The following GATAD2B variants were observed in gnomAD, a reference collection of about 807,000 sequenced individuals.
GATAD2B encodes transcriptional repressor p66-beta.
In GATAD2B, 8 loss-of-function variants were observed where a neutral mutation model predicts 64.3. That is an observed-to-expected ratio of 0.12 (90% confidence interval 0.07 to 0.22). The LOEUF (loss-of-function observed/expected upper bound fraction) is 0.22. Among genes scored for constraint, GATAD2B ranks in the 10% least tolerant of loss-of-function variants. The pLI, the probability that GATAD2B is intolerant of heterozygous loss-of-function variation, is 1.00. For missense variants in GATAD2B, 453 were observed against 752.0 expected (o/e 0.60, Z 4.65); for synonymous variants, 281 against 271.3 (o/e 1.04, Z -0.35).
At chr1:153,896,987 A>G (rs1317404727) in intron 1 of GATAD2B, among the ~76,000 whole-genome samples, 1 of 152,172 alleles carries the variant, frequency 6.6e-6, no homozygotes, top group African/African-American at 2.4e-5. Flanking sequence ...GTTAATTAAA[A>G]AATACTGTGG....
At chr1:153,895,535 G>A (rs1487210995) in intron 1 of GATAD2B, among the ~76,000 whole-genome samples, 1 of 151,250 alleles carries the variant, frequency 6.6e-6, no homozygotes, top group Admixed American at 6.6e-5. Flanking sequence ...AGCCACGATC[G>A]TGCCACTGCA....
At chr1:153,911,011 A>G (rs940629203) in intron 1 of GATAD2B, among the ~76,000 whole-genome samples, 2 of 152,218 alleles carry the variant, frequency 1.3e-5, no homozygotes, top group Non-Finnish European at 2.9e-5. Flanking sequence ...GAGAAGGTAG[A>G]GAAATATATC....
chr1:153,917,904 T>C (rs893762734), intron 1 of GATAD2B, among the ~76,000 whole-genome samples: 11 of 152,170 alleles, frequency 7.2e-5, no homozygotes, highest in Non-Finnish European at 1.5e-4. Context: ...GAACTGACAA[T>C]ACAATTTTAA....
chr1:153,834,731 A>G (rs1013612714), intron 1 of GATAD2B, among the ~76,000 whole-genome samples: 2 of 152,202 alleles, frequency 1.3e-5, no homozygotes, highest in East Asian at 1.9e-4. Context: ...GAAGTTGATT[A>G]TAACTTTCAT....
chr1:153,863,625 T>A (rs1176799182), intron 1 of GATAD2B, among the ~76,000 whole-genome samples: 1 of 151,770 alleles, frequency 6.6e-6, no homozygotes, highest in Non-Finnish European at 1.5e-5. Context: ...AAAAATTCTG[T>A]TTTTCTTTTT....
In GATAD2B at chr1:153,837,339, C is replaced by T. The variant is rs1309656097; in HGVS notation, c.-1-8991G>A. Among the ~76,000 whole-genome samples the T allele has an allele frequency of 2.1e-5, 3 of 139,852 alleles. No individual in the cohort carries two copies. The South Asian group carries it at 6.8e-4, about 32-fold the overall frequency. The allele number at this position is 139,852 out of a possible 152,430, so 91.7% of individuals were successfully genotyped here. A position where few individuals can be genotyped will look rare whatever the true frequency, so the allele number is the denominator to read the frequency against. ...GATGCCCTTATCTCAAAAACAACAA[C>T]AACAAAAACAAACAAAAAACCCCAA... On this transcript the variant is annotated intron_variant, in intron 1 of 10. Coordinates refer to ENST00000368655, the MANE Select transcript of GATAD2B (RefSeq NM_020699.4).
chr1:153,810,888 C>T (rs920663716), intron 10 of GATAD2B, among the ~76,000 whole-genome samples: 86 of 151,750 alleles, frequency 5.7e-4, no homozygotes, highest in African/African-American at 2.0e-3. Flanking sequence ...CTCAGCCTCC[C>T]GAGTAGCTGG....
rs71093286 is a variant in GATAD2B, at chr1:153,816,059, A to AACACAC, written c.1216+208_1216+213dup. The stretch of plus-strand genomic sequence containing the variant: ...CAGAGCGAGACTGCATCTCAAACAA[A>AACACAC]ACACACACACACACACACACACACA... On this transcript the variant is annotated intron_variant, in intron 7 of 10. Transcript: ENST00000368655. This position sits in a 1 kb window ranked among gnomAD's most constrained non-coding sequence, Gnocchi z 4.9. Among the ~76,000 whole-genome samples the AACACAC allele has an allele frequency of 0.014, 2,002 of 141,852 alleles. 27 individuals are homozygous for AACACAC. The highest frequency in any genetic ancestry group is 0.025 in the Middle Eastern group (7 of 276). The allele number at this position is 141,852 out of a possible 152,430, so 93.1% of individuals were successfully genotyped here.
chr1:153,832,747 A>G (rs760340458), intron 1 of GATAD2B, among the ~76,000 whole-genome samples: 1 of 152,136 alleles, frequency 6.6e-6, no homozygotes, highest in Non-Finnish European at 1.5e-5. Flanking sequence ...TGAACTCATC[A>G]CCCAAATAGC....
intron 1 of GATAD2B, chr1:153,922,077 AT>A (rs1678458737): frequency 6.6e-6 from 1 of 152,254 alleles, no homozygotes; most frequent in Non-Finnish European, 1.5e-5. Flanking sequence ...GCCTGAGACA[AT>A]TCTCTTCCCC....
At chr1:153,907,470 G>T (rs1002820683) in intron 1 of GATAD2B, among the ~76,000 whole-genome samples, 3 of 152,120 alleles carry the variant, frequency 2.0e-5, no homozygotes, top group African/African-American at 7.2e-5. Context: ...AAACAAAGTA[G>T]AATGGTGACT....
At chr1:153,848,252 G>A (rs1675758999) in intron 1 of GATAD2B, among the ~76,000 whole-genome samples, 1 of 152,022 alleles carries the variant, frequency 6.6e-6, no homozygotes, top group South Asian at 2.1e-4. Flanking sequence ...TCTTTCTTCT[G>A]GCTTAAAACC....
In GATAD2B at chr1:153,886,794, C is replaced by T. The variant is rs1422234931; in HGVS notation, c.-2+35939G>A. ...GAGGATGGTCTCAATCTTCTGACCT[C>T]ATGATCCGCCCACCTCAGCCTCCCA... is the stretch of plus-strand genomic sequence containing the variant. On this transcript the variant is annotated intron_variant, in intron 1 of 10. Coordinates refer to ENST00000368655, the MANE Select transcript of GATAD2B (RefSeq NM_020699.4). Among the ~76,000 whole-genome samples, 5 of 151,904 alleles carry T rather than the reference C, an allele frequency of 3.3e-5. No homozygotes were observed. In the South Asian group the frequency reaches 8.3e-4, roughly 25 times the overall value.
At chr1:153,849,932 G>A (rs889404263) in intron 1 of GATAD2B, among the ~76,000 whole-genome samples, 5 of 152,072 alleles carry the variant, frequency 3.3e-5, no homozygotes, top group African/African-American at 1.2e-4. Context: ...ATGCCTGGCT[G>A]TATTTAATCC....
At chr1:153,907,637 A>ATTTT (rs531249482) in intron 1 of GATAD2B, among the ~76,000 whole-genome samples, 4 of 141,774 alleles carry the variant, frequency 2.8e-5, no homozygotes, top group African/African-American at 7.8e-5. Flanking sequence ...AAAAGGGTAA[A>ATTTT]TTTTTTTTTT....
chr1:153,819,850 G>A, intron 2 of GATAD2B, 115 bp from the exon 3 acceptor site: 2 of 815,642 alleles, frequency 2.5e-6, no homozygotes, highest in South Asian at 4.9e-5. Context: ...TGTAATCCTA[G>A]CACTTTGGGA....
chr1:153,901,675 T>G (rs1677778305), intron 1 of GATAD2B, among the ~76,000 whole-genome samples: 1 of 151,218 alleles, frequency 6.6e-6, no homozygotes, highest in Admixed American at 6.6e-5. Flanking sequence ...AATACAAAAA[T>G]TAGCCAGGCA....
At position 153,806,379 on chromosome 1, in the gene GATAD2B, G is replaced by A. The variant is rs1674111993; in HGVS notation, c.*3798C>T. Reference sequence around the variant, plus strand: ...TGGGGAGGCAAGGCACAAATTAGGGGTGGGTGGTGGGGGAGGTGGCATCTC... The same window carrying A: ...TGGGGAGGCAAGGCACAAATTAGGGATGGGTGGTGGGGGAGGTGGCATCTC... On this transcript the variant is annotated 3_prime_UTR_variant, in exon 11 of 11. Coordinates refer to ENST00000368655, the MANE Select transcript of GATAD2B (RefSeq NM_020699.4). 2 of 150,646 alleles carry A rather than the reference G, an allele frequency of 1.3e-5. No homozygotes were observed. Among genetic ancestry groups the A allele is most frequent in the Admixed American group, 6.6e-5 (1 of 15,108 alleles). The allele number at this position is 150,646 out of a possible 1,614,324, so 9.3% of individuals were successfully genotyped here.
intron 1 of GATAD2B, among the ~76,000 whole-genome samples, chr1:153,854,841 G>A (rs1285785703): frequency 1.3e-5 from 2 of 152,118 alleles, no homozygotes; most frequent in Non-Finnish European, 2.9e-5. Flanking sequence ...CCTTACCGTA[G>A]GGATCAAACT....
Sources: gnomAD v4.1 joint callset for allele counts (sites outside exome capture counted in the v4.1 genomes callset) on GRCh38, gnomAD v4.1.1 for gene constraint, Gnocchi (gnomAD v3.1) non-coding constraint, MANE v1.5 for transcripts, NCBI Gene and HGNC (gene_info 2026-07-23, HGNC 2026-07-21) for gene names.